DLG2: variants seen among roughly 807,000 people sequenced by gnomAD.
DLG2 encodes disks large homolog 2.
Under a neutral mutation model 132.5 loss-of-function variants are expected in DLG2, and 45 were observed. The observed-to-expected ratio is 0.34, with a 90% CI of 0.27 to 0.44. The LOEUF (loss-of-function observed/expected upper bound fraction) is 0.44. Ranked by LOEUF, DLG2 falls within the 20% of genes least tolerant of loss-of-function variation. DLG2 has a pLI of 1.00. For missense variants in DLG2, 1,045 were observed against 1,196.9 expected, an observed-to-expected ratio of 0.87 and a Z score of 1.87; for synonymous variants, 424 against 419.6, an observed-to-expected ratio of 1.01 and a Z score of -0.13.
intron 6 of DLG2, among the ~76,000 whole-genome samples, chr11:84,973,980 C>T (rs967365424): frequency 6.6e-6 from 1 of 152,162 alleles, no homozygotes; most frequent in African/African-American, 2.4e-5. Context: ...ATTTGGCCCA[C>T]TAGCCACCAT....
intron 6 of DLG2, among the ~76,000 whole-genome samples, chr11:85,022,005 G>A (rs2060117015): frequency 6.6e-6 from 1 of 152,016 alleles, no homozygotes; most frequent in Non-Finnish European, 1.5e-5. Context: ...TTAAACTAAT[G>A]TTTTGGAATA....
intron 6 of DLG2, among the ~76,000 whole-genome samples, chr11:84,605,980 T>C (rs1169645511): frequency 1.3e-5 from 2 of 152,072 alleles, no homozygotes; most frequent in Non-Finnish European, 2.9e-5. Flanking sequence ...TTTTTGAATG[T>C]CTTCAGTGCA....
chr11:85,619,371 A>T (rs954973238), intron 2 of DLG2, among the ~76,000 whole-genome samples: 6 of 135,930 alleles, frequency 4.4e-5, no homozygotes, highest in Admixed American at 7.7e-5. Context: ...ATTTTAAATT[A>T]AAAAAAAAAA....
intron 17 of DLG2, among the ~76,000 whole-genome samples, chr11:83,820,448 A>T (rs528211951): frequency 6.6e-6 from 1 of 152,192 alleles, no homozygotes; most frequent in Non-Finnish European, 1.5e-5. Flanking sequence ...AGAAACAACC[A>T]ATTATTATCA....
intron 8 of DLG2, 37 bp downstream of exon 8, chr11:84,251,201 A>G: frequency 7.4e-7 from 1 of 1,343,254 alleles, no homozygotes; most frequent in Non-Finnish European, 1.0e-6. Flanking sequence ...GTTCTACCAC[A>G]GTTTTAAAAG....
intron 9 of DLG2, among the ~76,000 whole-genome samples, chr11:84,155,889 G>A (rs1173825338): frequency 6.6e-6 from 1 of 151,962 alleles, no homozygotes; most frequent in Non-Finnish European, 1.5e-5. Flanking sequence ...ACAATAAAGA[G>A]CCTCTGGAGA....
intron 10 of DLG2, among the ~76,000 whole-genome samples, chr11:84,061,579 G>T (rs1006300967): frequency 6.6e-6 from 1 of 152,104 alleles, no homozygotes; most frequent in African/African-American, 2.4e-5. Flanking sequence ...CTAATGTGAT[G>T]AATAGTTTCA....
Position 83,935,114 on chromosome 11 carries a change from C to T in DLG2, c.1341-4631G>A, listed in dbSNP as rs566265598. Among the ~76,000 whole-genome samples, 3 of 152,226 alleles carry T rather than the reference C, an allele frequency of 2.0e-5. No individual in the cohort carries two copies. The East Asian group carries it at 5.8e-4, about 29-fold the overall frequency. ...ATAGGAGGGGGCATCCAACCGCATG[C>T]CCTGTATTTGCAGAATATAGAACCA... On this transcript the variant is annotated intron_variant, in intron 14 of 27. Coordinates refer to ENST00000376104, the MANE Select transcript of DLG2 (RefSeq NM_001142699.3).
chr11:85,317,196 GACA>G lies in DLG2; in HGVS notation c.41-31834_41-31832del, dbSNP rs2080744705. ...ATCTGAGAGAAAGCCAGTGTGGCGTGACAACAACTAAAAGAGGATGTGGTAAAG... is the reference window on the plus strand; with the variant it reads ...ATCTGAGAGAAAGCCAGTGTGGCGTGACAACTAAAAGAGGATGTGGTAAAG... On this transcript the variant is annotated intron_variant, in intron 3 of 27. Transcript: ENST00000376104. Among the ~76,000 whole-genome samples the G allele has an allele frequency of 2.0e-5, 3 of 152,066 alleles. No homozygotes were observed. The South Asian group carries it at 6.2e-4, about 32-fold the overall frequency.
At chr11:85,417,945 T>G (rs1035528977) in intron 3 of DLG2, among the ~76,000 whole-genome samples, 4 of 152,188 alleles carry the variant, frequency 2.6e-5, no homozygotes, top group Non-Finnish European at 5.9e-5. Flanking sequence ...CTTTCAGTTC[T>G]GCTCTGATCC....
chr11:85,127,922 T>G (rs186191493), intron 5 of DLG2, among the ~76,000 whole-genome samples: 74 of 152,316 alleles, frequency 4.9e-4, no homozygotes, highest in Admixed American at 7.8e-4. Context: ...ATAAAAATAT[T>G]TTTAATGCCT....
intron 6 of DLG2, among the ~76,000 whole-genome samples, chr11:84,979,512 A>T (rs1180700207): frequency 6.6e-6 from 1 of 152,160 alleles, no homozygotes; most frequent in Non-Finnish European, 1.5e-5. Context: ...TTGTAGGGAC[A>T]TGGATAAAGC....
chr11:85,415,610 G>C (rs907494008), intron 3 of DLG2, among the ~76,000 whole-genome samples: 1 of 152,124 alleles, frequency 6.6e-6, no homozygotes, highest in Non-Finnish European at 1.5e-5. Flanking sequence ...CTAATGACCA[G>C]TGTTGATGAG....
At chr11:84,256,087 C>A (rs1364663278) in intron 7 of DLG2, among the ~76,000 whole-genome samples, 1 of 151,966 alleles carries the variant, frequency 6.6e-6, no homozygotes, top group Non-Finnish European at 1.5e-5. Context: ...CAAATGTTCT[C>A]AGATTACATG....
At chr11:85,231,385 T>C (rs1331768863) in intron 4 of DLG2, among the ~76,000 whole-genome samples, 1 of 152,022 alleles carries the variant, frequency 6.6e-6, no homozygotes, top group Non-Finnish European at 1.5e-5. Context: ...TTTTAAGATC[T>C]AGAATAACTA....
chr11:83,762,091 A>G (rs181355473), intron 18 of DLG2, among the ~76,000 whole-genome samples: 5 of 152,358 alleles, frequency 3.3e-5, no homozygotes, highest in Admixed American at 2.6e-4. Context: ...TGCATTTTAA[A>G]TAAGATATTG....
rs1862962589 is a variant in DLG2 at position 83,623,629 on chromosome 11, G to A, written c.1940+9582C>T. 2.0e-5 allele frequency among the ~76,000 whole-genome samples: 3 copies of A among 152,162 alleles called. No individual in the cohort carries two copies. The South Asian group carries it at 6.2e-4, about 32-fold the overall frequency. On this transcript the variant is annotated intron_variant, in intron 19 of 27. Transcript: ENST00000376104. ...GTGCTTGACTCCAGCAATCATTGGT[G>A]GCTCTCTTAATACCACTTTCTATTT...
At chr11:85,041,742 G>C (rs999061227) in intron 6 of DLG2, among the ~76,000 whole-genome samples, 1 of 151,912 alleles carries the variant, frequency 6.6e-6, no homozygotes, top group Non-Finnish European at 1.5e-5. Context: ...ATGACATTTA[G>C]AGATAAACTG....
chr11:84,803,831 A>C (rs2075698745), intron 6 of DLG2, among the ~76,000 whole-genome samples: 1 of 152,140 alleles, frequency 6.6e-6, no homozygotes, highest in African/African-American at 2.4e-5. Context: ...ATGTTTCTCT[A>C]TCTGAAATGT....
Sources: allele counts gnomAD v4.1 joint callset (sites outside exome capture counted in the v4.1 genomes callset), GRCh38; gene constraint gnomAD v4.1.1; transcripts MANE v1.5; gene names NCBI Gene and HGNC (gene_info 2026-07-23, HGNC 2026-07-21).